The following PWWP3B variants were observed in gnomAD, a reference collection of about 807,000 sequenced individuals.
The protein encoded by PWWP3B is PWWP domain containing 3B.
A neutral mutation model predicts 15.7 loss-of-function variants in PWWP3B; 5 were observed. That is an observed-to-expected ratio of 0.32 (90% CI 0.17 to 0.67). The LOEUF is 0.67. PWWP3B is among the 30% of genes least tolerant of loss of function. PWWP3B has a pLI of 0.74. For synonymous variants in PWWP3B, 203 were observed against 179.8 expected (o/e 1.13, Z -1.03); for missense variants, 519 against 493.1 (o/e 1.05, Z -0.50).
At chrX:106,185,607 A>G (rs1391081924) in intron 2 of PWWP3B, among the ~76,000 whole-genome samples, 2 of 111,885 alleles carry the variant, frequency 1.8e-5, no homozygotes, top group Non-Finnish European at 3.8e-5. Flanking sequence ...GCCTGTCCTC[A>G]TAGAACACAA....
intron 2 of PWWP3B, among the ~76,000 whole-genome samples, chrX:106,179,970 C>G (rs1013525384): frequency 2.7e-5 from 3 of 111,145 alleles, no homozygotes; most frequent in Non-Finnish European, 5.7e-5. Flanking sequence ...CTCACGAAAC[C>G]CTTAAAAACA....
At chrX:106,170,397 T>A (rs1345712782) in intron 1 of PWWP3B, among the ~76,000 whole-genome samples, 1 of 111,872 alleles carries the variant, frequency 8.9e-6, no homozygotes, top group Non-Finnish European at 1.9e-5. Context: ...GATATTATGA[T>A]GAAAAATATT....
At chrX:106,200,226 G>A (rs1435580303) in intron 2 of PWWP3B, among the ~76,000 whole-genome samples, 1 of 111,855 alleles carries the variant, frequency 8.9e-6, no homozygotes, top group Non-Finnish European at 1.9e-5. Flanking sequence ...GCCACAGGAT[G>A]GAAGAAGATT....
At chrX:106,190,712 A>G (rs1922877813) in intron 2 of PWWP3B, among the ~76,000 whole-genome samples, 1 of 111,738 alleles carries the variant, frequency 8.9e-6, no homozygotes, top group Admixed American at 9.5e-5. Context: ...ATCTTGAATT[A>G]ATTTTAGTAT....
At chrX:106,173,837 A>G (rs930194769) in intron 2 of PWWP3B, among the ~76,000 whole-genome samples, 3 of 111,805 alleles carry the variant, frequency 2.7e-5, no homozygotes, top group African/African-American at 9.8e-5. Context: ...CTTGCTGACT[A>G]TGCTATCTAG....
chrX:106,179,490 A>G (rs1879899228), intron 2 of PWWP3B, among the ~76,000 whole-genome samples: 1 of 112,205 alleles, frequency 8.9e-6, no homozygotes, highest in African/African-American at 3.2e-5. Flanking sequence ...TGCCTGTTAA[A>G]GTTTAGGCAG....
intron 2 of PWWP3B, among the ~76,000 whole-genome samples, chrX:106,193,195 A>T (rs1379497962): frequency 9.0e-6 from 1 of 111,289 alleles, no homozygotes; most frequent in East Asian, 2.8e-4. Context: ...TAGGTCACTA[A>T]GGACTTGCTT....
chrX:106,207,681 A>G lies in PWWP3B; in HGVS notation c.*158A>G, dbSNP rs1924125070. The G allele has an allele frequency of 2.2e-5, 10 of 446,095 alleles. No individual in the cohort carries two copies. The highest frequency in any genetic ancestry group is 3.2e-5 in the Non-Finnish European group (9 of 285,677). The allele number at this position is 446,095 out of a possible 1,213,427, so 36.8% of individuals were successfully genotyped here. On this transcript the variant is annotated 3_prime_UTR_variant, in exon 4 of 4. Coordinates refer to ENST00000357175, the MANE Select transcript of PWWP3B (RefSeq NM_001171020.2). ...CTCTAGGATCTGTGGTTATAATTAC[A>G]TCTTTATTTCCTTTTCTTGCGCTTC...
chrX:106,205,783 G>C lies in PWWP3B; in HGVS notation c.351G>C (p.Leu117=), dbSNP rs560099364. Residue 117 remains leucine, a synonymous_variant, in exon 4 of 4, where the codon CTG becomes CTC. Coordinates refer to ENST00000357175, the MANE Select transcript of PWWP3B (RefSeq NM_001171020.2). ...CAGATGAAGAGGAGATCACTATGCT[G>C]TCTCAAAATGTACCACAAAAACAGT... The part of the protein sequence containing the change: ...STSDEEEITM[L]SQNVPQKQSD... 1 of 1,211,096 alleles carries C rather than the reference G, an allele frequency of 8.3e-7. No homozygotes were observed. The highest frequency in any genetic ancestry group is 1.7e-5 in the African/African-American group (1 of 57,678).
At chrX:106,168,781 G>GA (rs1241440957) in intron 1 of PWWP3B, among the ~76,000 whole-genome samples, 1 of 111,987 alleles carries the variant, frequency 8.9e-6, no homozygotes, top group Non-Finnish European at 1.9e-5. Context: ...ATATTACTTT[G>GA]AATGTGTTGT....
At chrX:106,200,322 A>C (rs926107357) in intron 2 of PWWP3B, among the ~76,000 whole-genome samples, 4 of 111,309 alleles carry the variant, frequency 3.6e-5, no homozygotes, top group Non-Finnish European at 7.5e-5. Context: ...CATCAGCAAA[A>C]TAAACTTTTG....
chrX:106,189,811 G>T (rs1162772003), intron 2 of PWWP3B, among the ~76,000 whole-genome samples: 2 of 109,403 alleles, frequency 1.8e-5, no homozygotes, highest in African/African-American at 3.3e-5. Context: ...TAGAGACGGG[G>T]TTTCACCGTG....
chrX:106,189,499 G>A (rs182318684), intron 2 of PWWP3B, among the ~76,000 whole-genome samples: 8 of 110,267 alleles, frequency 7.3e-5, no homozygotes, highest in East Asian at 5.7e-4. Context: ...TTGTCCTTGC[G>A]ATAGTTTGCT....
intron 3 of PWWP3B, among the ~76,000 whole-genome samples, chrX:106,204,520 G>T (rs963383496): frequency 4.5e-5 from 5 of 112,022 alleles, no homozygotes; most frequent in African/African-American, 1.6e-4. Flanking sequence ...CCAAGAAGTT[G>T]TCATAGCAGT....
At position 106,186,415 on chromosome X, in the gene PWWP3B, G is replaced by A. The variant is rs769689845; in HGVS notation, c.-401+15276G>A. On this transcript the variant is annotated intron_variant, in intron 2 of 3. Transcript: ENST00000357175. ...ATCCTGACACCCATGTCTTTAGTCC[G>A]GCAGCCACGCTAGTTGCTTTTAATT... Among the ~76,000 whole-genome samples, 53 of 111,596 alleles carry A rather than the reference G, an allele frequency of 4.7e-4. 1 individual carries two copies. In the South Asian group the frequency reaches 0.017, roughly 36 times the overall value.
chrX:106,171,792 A>G (rs1490864960), intron 2 of PWWP3B, among the ~76,000 whole-genome samples: 5 of 110,244 alleles, frequency 4.5e-5, no homozygotes, highest in African/African-American at 1.3e-4. Flanking sequence ...TTGCAACACA[A>G]CTGCCTACAG....
intron 1 of PWWP3B, among the ~76,000 whole-genome samples, chrX:106,170,274 A>C (rs962023511): frequency 6.2e-5 from 7 of 112,424 alleles, no homozygotes; most frequent in Non-Finnish European, 1.9e-5. Flanking sequence ...TCTACAGAAA[A>C]AAATCTAGAA....
chrX:106,207,471 C>G lies in PWWP3B; in HGVS notation c.2039C>G (p.Ala680Gly). The G allele has an allele frequency of 8.7e-7, 1 of 1,153,756 alleles. No individual in the cohort carries two copies. The highest frequency in any genetic ancestry group is 2.0e-5 in the South Asian group (1 of 49,953). Residue 680 changes from alanine to glycine, a missense_variant, in exon 4 of 4, where the codon GCA becomes GGA. By Grantham distance (60) the Ala-to-Gly change is moderately conservative. Coordinates refer to ENST00000357175, the MANE Select transcript of PWWP3B (RefSeq NM_001171020.2). ...LGYRERELFD[A>G]KIIYEKRRKA... ...TACAGGGAAAGAGAATTATTTGATG[C>G]AAAAATAATATATGAAAAGAGACGA...
intron 2 of PWWP3B, among the ~76,000 whole-genome samples, chrX:106,171,661 G>C (rs771118463): frequency 1.9e-5 from 2 of 103,986 alleles, no homozygotes; most frequent in Non-Finnish European, 4.2e-5. Context: ...AGATGGTATA[G>C]CCTACTACAC....
Sources: allele counts gnomAD v4.1 joint callset (sites outside exome capture counted in the v4.1 genomes callset), GRCh38; gene constraint gnomAD v4.1.1; transcripts MANE v1.5; gene names NCBI Gene and HGNC (gene_info 2026-07-23, HGNC 2026-07-21).